Variants in LRRC7 observed in about 807,000 individuals in gnomAD.
LRRC7 encodes the protein leucine-rich repeat-containing protein 7.
A neutral mutation model predicts 175.7 loss-of-function variants in LRRC7; 23 were observed. The observed-to-expected ratio is 0.13, with a 90% confidence interval of 0.09 to 0.19. LRRC7 has a LOEUF of 0.19. LRRC7 is among the 10% of genes least tolerant of loss of function. LRRC7 has a pLI of 1.00. For missense variants in LRRC7, 1,354 were observed against 1,904.7 expected, an observed-to-expected ratio of 0.71 and a Z score of 5.38; for synonymous variants, 685 against 680.9, an observed-to-expected ratio of 1.01 and a Z score of -0.09.
chr1:69,928,733 G>A (rs1313222156), intron 7 of LRRC7, among the ~76,000 whole-genome samples: 2 of 152,214 alleles, frequency 1.3e-5, no homozygotes, highest in Non-Finnish European at 2.9e-5. Context: ...GACTAGGAAA[G>A]GGAACTCCTT....
In LRRC7 at chr1:70,089,746, A is replaced by G. The variant is rs760074898; in HGVS notation, c.4472A>G (p.Lys1491Arg). 1.2e-6 allele frequency: 2 copies of G among 1,608,954 alleles called. No individual in the cohort carries two copies. The highest frequency in any genetic ancestry group is 2.7e-5 in the African/African-American group (2 of 74,764). Residue 1491 changes from lysine to arginine, a missense_variant, in exon 25 of 27, where the codon AAG becomes AGG. Lys to Arg is a conservative substitution (Grantham distance 26). Around this residue, in one of 4 missense-constraint regions of LRRC7, gnomAD observed 53 missense variants for 112.6 expected, o/e 0.47. Coordinates refer to ENST00000651989, the MANE Select transcript of LRRC7 (RefSeq NM_001370785.2). ...ACATAGTTTTGTGTGAGAATAGAAA[A>G]GAATCCTGGCCTTGGATTTAGTATC... The part of the protein sequence containing the change: ...YPEQFCVRIE[K>R]NPGLGFSISG...
chr1:69,831,958 A>G (rs1054541413), intron 5 of LRRC7, among the ~76,000 whole-genome samples: 5 of 152,192 alleles, frequency 3.3e-5, no homozygotes, highest in African/African-American at 4.8e-5. Context: ...TTAAATTTGC[A>G]GTTTCAAAGA....
intron 2 of LRRC7, among the ~76,000 whole-genome samples, chr1:69,757,693 A>G (rs1018972857): frequency 6.6e-6 from 1 of 151,962 alleles, no homozygotes; most frequent in Non-Finnish European, 1.5e-5. Flanking sequence ...ATAATTTAAA[A>G]TGTGCAATGA....
rs144561993 is a variant in LRRC7, at chr1:69,813,458, T to C, written c.422-12290T>C. On this transcript the variant is annotated intron_variant, in intron 4 of 26. Transcript: ENST00000651989. ...CCTCTGTTCTGGGGACAATTTCATA[T>C]CTTCTCTGGCTTTAAACCATCCATA... Among the ~76,000 whole-genome samples, 16 of 152,224 alleles carry C rather than the reference T, an allele frequency of 1.1e-4. No homozygotes were observed. In the East Asian group the frequency reaches 2.1e-3, roughly 20 times the overall value.
At chr1:69,716,166 C>T in intron 2 of LRRC7, 1 of 444,168 alleles carries the variant, frequency 2.3e-6, no homozygotes, top group Non-Finnish European at 4.1e-6. Flanking sequence ...AAAAAAAATG[C>T]AAGTCAAAGT....
At chr1:69,709,113 C>T (rs905133786) in intron 2 of LRRC7, among the ~76,000 whole-genome samples, 1 of 152,188 alleles carries the variant, frequency 6.6e-6, no homozygotes, top group Non-Finnish European at 1.5e-5. Context: ...GTCTGTCTTG[C>T]TCATGAAACT....
At chr1:69,856,757 G>A (rs181461115) in intron 7 of LRRC7, among the ~76,000 whole-genome samples, 20 of 152,098 alleles carry the variant, frequency 1.3e-4, no homozygotes, top group African/African-American at 2.4e-4. Context: ...TCCCTAACTC[G>A]TTTTATGAGG....
At chr1:69,692,020 G>A (rs1167112104) in intron 2 of LRRC7, among the ~76,000 whole-genome samples, 2 of 152,106 alleles carry the variant, frequency 1.3e-5, no homozygotes, top group African/African-American at 4.8e-5. Flanking sequence ...ATAAAGGCTA[G>A]ATTGGAGAAC....
At chr1:69,900,253 G>C (rs1466217311) in intron 7 of LRRC7, among the ~76,000 whole-genome samples, 1 of 152,010 alleles carries the variant, frequency 6.6e-6, no homozygotes, top group Non-Finnish European at 1.5e-5. Flanking sequence ...AGTTTTTATG[G>C]GATCACAAGT....
chr1:69,856,740 G>A (rs11209559), intron 7 of LRRC7, among the ~76,000 whole-genome samples: 14,889 of 152,048 alleles, frequency 0.098, 1,725 homozygotes, highest in African/African-American at 0.28. Flanking sequence ...AGAAAAAGAG[G>A]GAATCCTCCC....
intron 25 of LRRC7, among the ~76,000 whole-genome samples, chr1:70,098,861 G>T (rs1423796546): frequency 2.0e-5 from 3 of 151,970 alleles, no homozygotes; most frequent in Non-Finnish European, 4.4e-5. Context: ...TCCAGGACCA[G>T]ATGGATTCAC....
Position 70,143,639 on chromosome 1 carries a change from GA to G in LRRC7, c.*21753del, listed in dbSNP as rs1416419052. On this transcript the variant is annotated 3_prime_UTR_variant, in exon 27 of 27. Transcript: ENST00000651989. ...GGTGGCTGTATACAAATTCGGGTGG[GA>G]GGGGGCAGGAAACACCTCTTCACAT... The G allele has an allele frequency of 6.6e-6, 1 of 152,070 alleles. No individual in the cohort carries two copies. Among genetic ancestry groups the G allele is most frequent in the African/African-American group, 2.4e-5 (1 of 41,426 alleles). 9.4% of individuals were successfully genotyped at this position (152,070 alleles called of 1,614,324 possible). A position where few individuals can be genotyped will look rare whatever the true frequency, so the allele number is the denominator to read the frequency against.
chr1:69,618,684 G>A (rs1557493766), intron 1 of LRRC7, among the ~76,000 whole-genome samples: 1 of 152,072 alleles, frequency 6.6e-6, no homozygotes, highest in Non-Finnish European at 1.5e-5. Context: ...ATTCTTGTTT[G>A]AGCTCAACTC....
chr1:69,903,573 C>T (rs1281997046), intron 7 of LRRC7, among the ~76,000 whole-genome samples: 2 of 152,144 alleles, frequency 1.3e-5, no homozygotes, highest in African/African-American at 4.8e-5. Flanking sequence ...TTAAAATCAA[C>T]ACCCTAACAT....
chr1:69,652,297 A>G (rs189862195), intron 1 of LRRC7, among the ~76,000 whole-genome samples: 178 of 152,354 alleles, frequency 1.2e-3, no homozygotes, highest in African/African-American at 4.0e-3. Context: ...GCAAAGTTGC[A>G]GGATACAAAA....
At chr1:69,572,780 G>T (rs1645790268) in intron 1 of LRRC7, among the ~76,000 whole-genome samples, 1 of 151,916 alleles carries the variant, frequency 6.6e-6, no homozygotes, top group Non-Finnish European at 1.5e-5. Context: ...GAAGACAAAG[G>T]GGTACATGAA....
At chr1:69,569,215 GT>G (rs1402229483) in intron 1 of LRRC7, among the ~76,000 whole-genome samples, 1 of 151,844 alleles carries the variant, frequency 6.6e-6, no homozygotes, top group Non-Finnish European at 1.5e-5. Flanking sequence ...AAAGGGTGGG[GT>G]TTGGGGGGAT....
At chr1:69,755,331 AAT>A (rs763013593) in intron 2 of LRRC7, among the ~76,000 whole-genome samples, 1 of 150,492 alleles carries the variant, frequency 6.6e-6, no homozygotes. Flanking sequence ...AACCAAAAGG[AAT>A]ATATATATAC....
chr1:69,933,572 T>A (rs1647613754), intron 8 of LRRC7, among the ~76,000 whole-genome samples: 1 of 152,194 alleles, frequency 6.6e-6, no homozygotes, highest in South Asian at 2.1e-4. Context: ...AACTTCCTTA[T>A]CAATACAGTA....
Sources: allele counts gnomAD v4.1 joint callset (sites outside exome capture counted in the v4.1 genomes callset), GRCh38; gene constraint gnomAD v4.1.1; regional missense constraint gnomAD v4.1.1; transcripts MANE v1.5; gene names NCBI Gene and HGNC (gene_info 2026-07-23, HGNC 2026-07-21).